CD36: variants seen among roughly 807,000 people sequenced by gnomAD.
The protein encoded by CD36 is platelet glycoprotein 4.
In CD36, 119 loss-of-function variants were observed where a neutral mutation model predicts 55.2. The ratio of observed to expected loss-of-function variants is 2.15; its 90% CI spans 1.86 to 2.51. The LOEUF is 2.51. Ranked by LOEUF, CD36 falls within the 30% of genes most tolerant of loss-of-function variation. The pLI is 0.00. For missense variants in CD36, 819 were observed against 555.5 expected (o/e 1.47, Z -4.77); for synonymous variants, 186 against 193.6 (o/e 0.96, Z 0.33).
In CD36 at chr7:80,671,093, T is replaced by C. The variant is rs768124733; in HGVS notation, c.935T>C (p.Phe312Ser). 1.1e-5 allele frequency: 17 copies of C among 1,613,398 alleles called. No individual in the cohort carries two copies. The South Asian group carries it at 1.8e-4, about 17-fold the overall frequency. The change falls in exon 10 of 15, where the codon TTC (phenylalanine) becomes TCC (serine). Residue 312 changes from phenylalanine (F) to serine (S), a missense_variant. Transcript: ENST00000447544. ...GTTGAAAACCCAGACAACTATTGTTTCTGCACAGAAAAAATTATCTCAAAA... is the reference window on the plus strand; with the variant it reads ...GTTGAAAACCCAGACAACTATTGTTCCTGCACAGAAAAAATTATCTCAAAA... ...SPVENPDNYC[F>S]CTEKIISKNC... is the part of the protein sequence containing the mutation.
At chr7:80,643,133 A>C (rs771549298) in intron 1 of CD36, among the ~76,000 whole-genome samples, 1 of 152,120 alleles carries the variant, frequency 6.6e-6, no homozygotes, top group Non-Finnish European at 1.5e-5. Flanking sequence ...TTCAGTGGTT[A>C]CTGTTGGAAC....
intron 4 of CD36, among the ~76,000 whole-genome samples, chr7:80,658,743 G>A (rs959944659): frequency 3.4e-4 from 52 of 152,094 alleles, no homozygotes. Flanking sequence ...CAATCTATGT[G>A]CCTTGGCCTC....
rs1400878115 is a variant in CD36 at position 80,670,162 on chromosome 7, A to G, written c.818+140A>G. The G allele has an allele frequency of 6.0e-6, 4 of 666,788 alleles. No individual in the cohort carries two copies. The Admixed American group carries it at 1.1e-4, about 18-fold the overall frequency. The allele number at this position is 666,788 out of a possible 1,614,324, so 41.3% of individuals were successfully genotyped here. On this transcript the variant is annotated intron_variant, in intron 9 of 14. Coordinates refer to ENST00000447544, the MANE Select transcript of CD36 (RefSeq NM_001001548.3). Reference sequence around the variant, plus strand: ...TGCAAAATGTTCTTCTGCATCTTCCAATTTTTAATAGTACAAATTTTTTTT... The same window carrying G: ...TGCAAAATGTTCTTCTGCATCTTCCGATTTTTAATAGTACAAATTTTTTTT...
At chr7:80,663,324 G>A (rs1017468458) in intron 6 of CD36, among the ~76,000 whole-genome samples, 155 bp downstream of exon 6, 2 of 152,046 alleles carry the variant, frequency 1.3e-5, no homozygotes, top group Non-Finnish European at 2.9e-5. Flanking sequence ...TCTCATTATA[G>A]CTTCAGCTTT....
chr7:80,644,933 A>G (rs1272966477), intron 1 of CD36, among the ~76,000 whole-genome samples: 1 of 152,136 alleles, frequency 6.6e-6, no homozygotes, highest in Non-Finnish European at 1.5e-5. Flanking sequence ...AGAAGTTCAA[A>G]TAAATGTGTT....
At chr7:80,647,313 TATTAA>T (rs746443819) in intron 3 of CD36, 1 of 171,912 alleles carries the variant, frequency 5.8e-6, no homozygotes, top group Admixed American at 5.6e-5. Flanking sequence ...CATAAATCCT[TATTAA>T]ATTGTAGGTA....
chr7:80,645,298 G>A (rs1795082751), intron 1 of CD36, among the ~76,000 whole-genome samples: 1 of 151,288 alleles, frequency 6.6e-6, no homozygotes, highest in Admixed American at 6.6e-5. Flanking sequence ...AGGATGACAG[G>A]TGTGAGCCAC....
At chr7:80,650,651 A>C (rs1206123807) in intron 3 of CD36, among the ~76,000 whole-genome samples, 1 of 152,086 alleles carries the variant, frequency 6.6e-6, no homozygotes, top group East Asian at 1.9e-4. Context: ...AAATAATTAA[A>C]CTTCTTAATT....
At chr7:80,638,846 G>A (rs1184720024) in intron 1 of CD36, 100 bp downstream of exon 1, 1 of 151,126 alleles carries the variant, frequency 6.6e-6, no homozygotes, top group Non-Finnish European at 1.5e-5. Context: ...CTCCTAAGAA[G>A]TTATATAGGA....
intron 1 of CD36, among the ~76,000 whole-genome samples, chr7:80,629,238 A>G (rs1370835836): frequency 6.6e-6 from 1 of 151,974 alleles, no homozygotes; most frequent in Non-Finnish European, 1.5e-5. Flanking sequence ...GGTTTGACAC[A>G]GGCTGGCTTT....
intron 1 of CD36, among the ~76,000 whole-genome samples, chr7:80,625,360 T>A (rs1442886059): frequency 1.3e-5 from 2 of 152,146 alleles, no homozygotes; most frequent in Non-Finnish European, 2.9e-5. Flanking sequence ...AGAAACAAAC[T>A]ATGCCTTAAC....
intron 8 of CD36, among the ~76,000 whole-genome samples, chr7:80,667,747 G>GTTTTTTGTTTTTTT (rs1363671181): frequency 1.2e-5 from 1 of 82,636 alleles, no homozygotes; most frequent in African/African-American, 4.2e-5. Context: ...GTTTTCTTTT[G>GTTTTTTGTTTTTTT]TTTTTTTTTT....
At chr7:80,646,050 T>C (rs1795146673) in intron 1 of CD36, 38 bp from the exon 2 acceptor site, 1 of 998 alleles carries the variant, frequency 1.0e-3, no homozygotes, top group African/African-American at 1.6e-3. Context: ...TTTCTGAGAA[T>C]TTTTTTCTAT....
chr7:80,649,666 T>G (rs1227076390), intron 3 of CD36, among the ~76,000 whole-genome samples: 1 of 152,100 alleles, frequency 6.6e-6, no homozygotes, highest in Non-Finnish European at 1.5e-5. Flanking sequence ...AACATCAGTC[T>G]GTGTTTCAAA....
rs368283449 is a variant in CD36, at chr7:80,656,609, C to G, written c.190C>G (p.Gln64Glu). ...TAAAACAGGCACAGAAGTTTACAGA[C>G]AGTTTTGGATCTTTGATGTGCAAAA... is the stretch of plus-strand genomic sequence containing the variant. Reference protein sequence around the residue: ...WVKTGTEVYRQFWIFDVQNPQ... With the variant: ...WVKTGTEVYREFWIFDVQNPQ... The change falls in exon 4 of 15, where the codon CAG becomes GAG. Residue 64 changes from glutamine (Q) to glutamate (E), a missense_variant. Transcript: ENST00000447544. The G allele has an allele frequency of 2.5e-6, 4 of 1,613,592 alleles. No individual in the cohort carries two copies. Among genetic ancestry groups the G allele is most frequent in the Non-Finnish European group, 3.4e-6 (4 of 1,179,762 alleles).
At chr7:80,628,725 C>G (rs77177040) in intron 1 of CD36, among the ~76,000 whole-genome samples, 21,731 of 152,022 alleles carry the variant, frequency 0.14, 2,304 homozygotes, top group East Asian at 0.34. Context: ...TTAATCCCAT[C>G]TACCCACGGT....
At chr7:80,637,569 G>GT (rs143537355), upstream of CD36, among the ~76,000 whole-genome samples, 7,861 of 148,242 alleles carry the variant, frequency 0.053, 359 homozygotes, top group East Asian at 0.21. Flanking sequence ...AGTGTTTGGG[G>GT]TTTTTTTTTT....
At chr7:80,603,217 C>T (rs1330112103) in intron 1 of CD36, among the ~76,000 whole-genome samples, 2 of 152,198 alleles carry the variant, frequency 1.3e-5, no homozygotes, top group South Asian at 2.1e-4. Flanking sequence ...TATTTCGAGA[C>T]ACAATTAAGG....
chr7:80,605,049 G>A (rs1037791358), intron 1 of CD36, among the ~76,000 whole-genome samples: 8 of 152,084 alleles, frequency 5.3e-5, no homozygotes, highest in Non-Finnish European at 1.0e-4. Flanking sequence ...ATAAAAATTA[G>A]TGTGTTCAAT....
Sources: gnomAD v4.1 joint callset for allele counts (sites outside exome capture counted in the v4.1 genomes callset) on GRCh38, gnomAD v4.1.1 for gene constraint, MANE v1.5 for transcripts, NCBI Gene and HGNC (gene_info 2026-07-23, HGNC 2026-07-21) for gene names.